SF3B3: variants seen among roughly 807,000 people sequenced by gnomAD.
The protein encoded by SF3B3 is SAP 130.
SF3B3 carries 33 observed loss-of-function variants against 139.2 expected under a neutral mutation model. That is an observed-to-expected ratio of 0.24 (90% CI 0.18 to 0.32). The LOEUF is 0.32. Among genes scored for constraint, SF3B3 ranks in the 10% least tolerant of loss-of-function variants. The pLI is 1.00. For missense variants in SF3B3, 818 were observed against 1,509.4 expected (o/e 0.54, Z 7.59); for synonymous variants, 596 against 563.6 (o/e 1.06, Z -0.81).
At chr16:70,532,162 C>G (rs1567409985) in intron 4 of SF3B3, among the ~76,000 whole-genome samples, 1 of 152,038 alleles carries the variant, frequency 6.6e-6, no homozygotes. Flanking sequence ...CGTGGTGGCA[C>G]ATGCTTGTAA....
chr16:70,571,987 C>T lies in SF3B3; in HGVS notation c.*174C>T. On this transcript the variant is annotated 3_prime_UTR_variant, in exon 26 of 26. Coordinates refer to ENST00000302516, the MANE Select transcript of SF3B3 (RefSeq NM_012426.5). ...CTTCTCCTGGAATGACTGGCTTCCC[C>T]TCAAATTGGCACTGAGATTTGCTAC... The T allele has an allele frequency of 2.6e-6, 2 of 784,040 alleles. No individual in the cohort carries two copies. The highest frequency in any genetic ancestry group is 4.2e-6 in the Non-Finnish European group (2 of 481,136). 48.6% of individuals were successfully genotyped at this position (784,040 alleles called of 1,614,324 possible). A position where few individuals can be genotyped will look rare whatever the true frequency, so the allele number is the denominator to read the frequency against.
In SF3B3 at chr16:70,576,510, T is replaced by G. The variant is rs2050582073; in HGVS notation, c.*4697T>G. 1 of 152,172 alleles carries G rather than the reference T, an allele frequency of 6.6e-6. No individual in the cohort carries two copies. The highest frequency in any genetic ancestry group is 1.5e-5 in the Non-Finnish European group (1 of 68,032). The allele number at this position is 152,172 out of a possible 1,614,324, so 9.4% of individuals were successfully genotyped here. A position where few individuals can be genotyped will look rare whatever the true frequency, so the allele number is the denominator to read the frequency against. ...TGGGTCATTTGGTAGCGTTTAGGCT[T>G]AGAAGTTACTAATTTGGAGCCGTGA... On this transcript the variant is annotated 3_prime_UTR_variant, in exon 26 of 26. Transcript: ENST00000302516.
intron 4 of SF3B3, among the ~76,000 whole-genome samples, chr16:70,532,020 G>A (rs1032103160): frequency 1.3e-5 from 2 of 152,230 alleles, no homozygotes; most frequent in Non-Finnish European, 2.9e-5. Context: ...CTGCAGTCGT[G>A]TACAGTGGCT....
chr16:70,526,701 C>T lies in SF3B3; in HGVS notation c.45C>T (p.Ser15=). Residue 15 remains serine, a synonymous_variant, in exon 2 of 26, where the codon AGC becomes AGT. Coordinates refer to ENST00000302516, the MANE Select transcript of SF3B3 (RefSeq NM_012426.5). ...CCTTGCAGAGAGCCACTGGCATCAGCTTTGCCATTCATGGAAACTTTTCTG... is the reference window on the plus strand; with the variant it reads ...CCTTGCAGAGAGCCACTGGCATCAGTTTTGCCATTCATGGAAACTTTTCTG... ...NLTLQRATGI[S]FAIHGNFSGT... The T allele has an allele frequency of 6.2e-7, 1 of 1,614,038 alleles. No individual in the cohort carries two copies.
At chr16:70,530,062 G>T (rs2050105250) in intron 3 of SF3B3, among the ~76,000 whole-genome samples, 1 of 151,286 alleles carries the variant, frequency 6.6e-6, no homozygotes, top group African/African-American at 2.4e-5. Flanking sequence ...GGAGGCAAAG[G>T]TTGCAGTGAG....
At chr16:70,532,369 A>G in intron 4 of SF3B3, 110 bp from the exon 5 acceptor site, 1 of 880,804 alleles carries the variant, frequency 1.1e-6, no homozygotes, top group Non-Finnish European at 1.7e-6. Context: ...AAAAAAAAAG[A>G]AGACATTTGT....
At position 70,529,091 on chromosome 16, in the gene SF3B3, A is replaced by G; in HGVS notation, c.289A>G (p.Asn97Asp). 1 of 1,614,150 alleles carries G rather than the reference A, an allele frequency of 6.2e-7. No homozygotes were observed. Among genetic ancestry groups the G allele is most frequent in the South Asian group, 1.1e-5 (1 of 91,072 alleles). ...IVILEYQPSK[N>D]MFEKIHQETF... is the part of the protein sequence containing the mutation. ...TATTTTGGAATACCAGCCATCTAAG[A>G]ATATGTTTGAGAAGATTCACCAAGA... Residue 97 changes from asparagine (N) to aspartate (D), a missense_variant, in exon 3 of 26, where the codon AAT becomes GAT. By Grantham distance (23) the Asn-to-Asp change is conservative. Coordinates refer to ENST00000302516, the MANE Select transcript of SF3B3 (RefSeq NM_012426.5).
In SF3B3 at chr16:70,575,680, G is replaced by A. The variant is rs148816398; in HGVS notation, c.*3867G>A. On this transcript the variant is annotated 3_prime_UTR_variant, in exon 26 of 26. Coordinates refer to ENST00000302516, the MANE Select transcript of SF3B3 (RefSeq NM_012426.5). ...TCTCTGTCGCTGTGAGGTTGGTGGTGAGGTGAGTCTGCCAGAGGGCCTGCC... is the reference window on the plus strand; with the variant it reads ...TCTCTGTCGCTGTGAGGTTGGTGGTAAGGTGAGTCTGCCAGAGGGCCTGCC... The A allele has an allele frequency of 6.6e-6, 1 of 152,454 alleles. No individual in the cohort carries two copies. The highest frequency in any genetic ancestry group is 1.5e-5 in the Non-Finnish European group (1 of 68,116). 9.4% of individuals were successfully genotyped at this position (152,454 alleles called of 1,614,324 possible). A position where few individuals can be genotyped will look rare whatever the true frequency, so the allele number is the denominator to read the frequency against.
chr16:70,556,810 A>C, intron 14 of SF3B3, 76 bp from the exon 15 acceptor site: 1 of 1,545,780 alleles, frequency 6.5e-7, no homozygotes, highest in South Asian at 1.1e-5. Flanking sequence ...CAATCCTAGA[A>C]TTAGATTTCT....
At chr16:70,566,191 A>G (rs1353524344) in intron 20 of SF3B3, among the ~76,000 whole-genome samples, 2 of 151,960 alleles carry the variant, frequency 1.3e-5, no homozygotes, top group African/African-American at 4.8e-5. Flanking sequence ...ACAGAGTTTC[A>G]GTTTGGGAAG....
In SF3B3 at chr16:70,572,954, T is replaced by G. The variant is rs997199306; in HGVS notation, c.*1141T>G. On this transcript the variant is annotated 3_prime_UTR_variant, in exon 26 of 26. Transcript: ENST00000302516. ...GAAGTGAGCTCACTGTTCTCAATACTTCACAAATGTAAAACTTTCTTTCGT... is the reference window on the plus strand; with the variant it reads ...GAAGTGAGCTCACTGTTCTCAATACGTCACAAATGTAAAACTTTCTTTCGT... The G allele has an allele frequency of 6.6e-6, 1 of 152,210 alleles. No homozygotes were observed. Among genetic ancestry groups the G allele is most frequent in the Admixed American group, 6.5e-5 (1 of 15,272 alleles). 9.4% of individuals were successfully genotyped at this position (152,210 alleles called of 1,614,324 possible).
intron 10 of SF3B3, among the ~76,000 whole-genome samples, chr16:70,547,640 C>G (rs529651282): frequency 6.6e-6 from 1 of 152,180 alleles, no homozygotes; most frequent in Non-Finnish European, 1.5e-5. Flanking sequence ...GTCACCCAGG[C>G]TGGAGTGCAA....
intron 5 of SF3B3, among the ~76,000 whole-genome samples, chr16:70,534,681 G>A (rs1242853709): frequency 6.6e-6 from 1 of 151,948 alleles, no homozygotes. Context: ...ATTTATTTAC[G>A]TTCTTGAGAC....
intron 1 of SF3B3, among the ~76,000 whole-genome samples, chr16:70,525,990 A>C (rs559593283): frequency 1.1e-4 from 17 of 151,432 alleles, no homozygotes; most frequent in African/African-American, 3.9e-4. Flanking sequence ...AGGAAAAAAA[A>C]AAGATATACC....
At chr16:70,538,567 C>A in intron 7 of SF3B3, 107 bp downstream of exon 7, 3 of 960,320 alleles carry the variant, frequency 3.1e-6, no homozygotes, top group African/African-American at 3.3e-5. Context: ...AGTAGTTGCC[C>A]TTGGAACCGG....
In SF3B3 at chr16:70,539,315, A is replaced by G. The variant is rs1270967512; in HGVS notation, c.1067+108A>G. On this transcript the variant is annotated intron_variant, in intron 8 of 25. Coordinates refer to ENST00000302516, the MANE Select transcript of SF3B3 (RefSeq NM_012426.5). Reference sequence around the variant, plus strand: ...ATAATCCTAGCACTTTGGGAGGCTGAGGTGGGTGAATCACCTGAGGTAAGG... The same window carrying G: ...ATAATCCTAGCACTTTGGGAGGCTGGGGTGGGTGAATCACCTGAGGTAAGG... 2.0e-5 allele frequency: 16 copies of G among 780,666 alleles called. No individual in the cohort carries two copies. The East Asian group carries it at 4.1e-4, about 20-fold the overall frequency. The allele number at this position is 780,666 out of a possible 1,614,324, so 48.4% of individuals were successfully genotyped here. A position where few individuals can be genotyped will look rare whatever the true frequency, so the allele number is the denominator to read the frequency against.
Position 70,539,154 on chromosome 16 carries a change from C to T in SF3B3, c.1014C>T (p.Ala338=), listed in dbSNP as rs1481759616. Residue 338 remains alanine (A), a synonymous_variant, in exon 8 of 26, where the codon GCC becomes GCT. Coordinates refer to ENST00000302516, the MANE Select transcript of SF3B3 (RefSeq NM_012426.5). ...TTGATACTGTACCCGTTGCTGCTGC[C>T]ATGTGTGTGCTTAAAACAGGGTTCC... The part of the protein sequence containing the change: ...KYFDTVPVAA[A]MCVLKTGFLF... 4.3e-6 allele frequency: 7 copies of T among 1,614,118 alleles called. No individual in the cohort carries two copies. Among genetic ancestry groups the T allele is most frequent in the Non-Finnish European group, 5.9e-6 (7 of 1,179,984 alleles).
At position 70,548,428 on chromosome 16, in the gene SF3B3, G is replaced by C. The variant is rs371856170; in HGVS notation, c.1388G>C (p.Arg463Pro). ...AACCCCAACGCTGTCTGGACAGTGCGTCGACACATTGAAGGTAAGCAGCTT... is the reference window on the plus strand; with the variant it reads ...AACCCCAACGCTGTCTGGACAGTGCCTCGACACATTGAAGGTAAGCAGCTT... ...PGNPNAVWTV[R>P]RHIEDEFDAY... is the part of the protein sequence containing the mutation. The change falls in exon 11 of 26, where the codon CGT becomes CCT. Residue 463 changes from arginine (R) to proline (P), a missense_variant. Around this residue, in one of 14 missense-constraint regions of SF3B3, gnomAD observed 31 missense variants for 77.3 expected, o/e 0.40. Coordinates refer to ENST00000302516, the MANE Select transcript of SF3B3 (RefSeq NM_012426.5). 1 of 1,613,828 alleles carries C rather than the reference G, an allele frequency of 6.2e-7. No individual in the cohort carries two copies. The highest frequency in any genetic ancestry group is 8.5e-7 in the Non-Finnish European group (1 of 1,179,958).
chr16:70,547,850 A>C (rs568955293), intron 10 of SF3B3, among the ~76,000 whole-genome samples: 16 of 152,280 alleles, frequency 1.1e-4, no homozygotes, highest in South Asian at 8.3e-4. Flanking sequence ...TCGGCATCCC[A>C]AAGTGCTGGG....
Sources: gnomAD v4.1 joint callset for allele counts (sites outside exome capture counted in the v4.1 genomes callset) on GRCh38, gnomAD v4.1.1 for gene constraint, gnomAD v4.1.1 regional missense constraint, MANE v1.5 for transcripts, NCBI Gene and HGNC (gene_info 2026-07-23, HGNC 2026-07-21) for gene names.